Variants in TLL1 observed in about 807,000 individuals in gnomAD.
TLL1 encodes the protein tolloid-like protein 1.
A neutral mutation model predicts 128.2 loss-of-function variants in TLL1; 49 were observed. The observed-to-expected ratio is 0.38, with a 90% CI of 0.30 to 0.48. TLL1 has a LOEUF of 0.48. Ranked by LOEUF, TLL1 falls within the 20% of genes least tolerant of loss-of-function variation. The pLI is 0.96. For missense variants in TLL1, 1,123 were observed against 1,242.0 expected (o/e 0.90, Z 1.44); for synonymous variants, 454 against 418.8 (o/e 1.08, Z -1.03).
At chr4:166,022,578 T>C (rs1430937025) in intron 8 of TLL1, among the ~76,000 whole-genome samples, 1 of 152,150 alleles carries the variant, frequency 6.6e-6, no homozygotes, top group African/African-American at 2.4e-5. Context: ...TCCTACAGAA[T>C]ATGGAGAATG....
chr4:165,927,197 G>A (rs1296550956), intron 1 of TLL1, among the ~76,000 whole-genome samples: 1 of 152,166 alleles, frequency 6.6e-6, no homozygotes, highest in Non-Finnish European at 1.5e-5. Flanking sequence ...GTTTTTGGAA[G>A]ATATATACTA....
At position 166,103,296 on chromosome 4, in the gene TLL1, T is replaced by C. The variant is rs1228475429; in HGVS notation, c.*2420T>C. On this transcript the variant is annotated 3_prime_UTR_variant, in exon 21 of 21. Coordinates refer to ENST00000061240, the MANE Select transcript of TLL1 (RefSeq NM_012464.5). The stretch of plus-strand genomic sequence containing the variant: ...AAAACTTACAGGATAAGCATTTTGC[T>C]CTTTTTAAGAACAGCATGAAATTTA... The C allele has an allele frequency of 6.6e-6, 1 of 151,818 alleles. No individual in the cohort carries two copies. Among genetic ancestry groups the C allele is most frequent in the East Asian group, 1.9e-4 (1 of 5,138 alleles). 9.4% of individuals were successfully genotyped at this position (151,818 alleles called of 1,614,324 possible).
rs529343502 is a variant in TLL1, at chr4:165,913,819, G to A, written c.169+39746G>A. ...GCTTGAGATCAGGGGCTCGCAACCA[G>A]CCTTGGCAACATGGTGCAACCCTAT... On this transcript the variant is annotated intron_variant, in intron 1 of 20. Coordinates refer to ENST00000061240, the MANE Select transcript of TLL1 (RefSeq NM_012464.5). Among the ~76,000 whole-genome samples, 7 of 152,270 alleles carry A rather than the reference G, an allele frequency of 4.6e-5. No individual in the cohort carries two copies. The East Asian group carries it at 1.4e-3, about 29-fold the overall frequency.
At chr4:166,063,564 G>C (rs907910559) in intron 15 of TLL1, among the ~76,000 whole-genome samples, 27 of 152,130 alleles carry the variant, frequency 1.8e-4, no homozygotes, top group African/African-American at 5.8e-4. Flanking sequence ...TGGCACTATT[G>C]ACAATAGCAA....
chr4:166,014,461 C>G lies in TLL1; in HGVS notation c.943C>G (p.Pro315Ala). ...SRGMFLDTILPSRDDNGIRPA... is the reference protein window; with the variant it reads ...SRGMFLDTILASRDDNGIRPA... Reference sequence around the variant, plus strand: ...GGGGATGTTTCTGGATACCATTCTCCCCTCCCGTGATGATAATGGCATACG... The same window carrying G: ...GGGGATGTTTCTGGATACCATTCTCGCCTCCCGTGATGATAATGGCATACG... Residue 315 changes from proline to alanine, a missense_variant, in exon 8 of 21, where the codon CCC (proline) becomes GCC (alanine). Pro to Ala is a conservative substitution (Grantham distance 27). Transcript: ENST00000061240. 1 of 1,612,122 alleles carries G rather than the reference C, an allele frequency of 6.2e-7. No homozygotes were observed. Among genetic ancestry groups the G allele is most frequent in the Non-Finnish European group, 8.5e-7 (1 of 1,178,662 alleles).
At chr4:166,099,604 C>T (rs1742197971) in intron 20 of TLL1, 77 bp downstream of exon 20, 4 of 1,280,584 alleles carry the variant, frequency 3.1e-6, no homozygotes, top group Non-Finnish European at 4.4e-6. Flanking sequence ...GTGTACCATT[C>T]ACAAGTTGGC....
chr4:165,950,271 T>C (rs1357053514), intron 1 of TLL1, among the ~76,000 whole-genome samples: 1 of 152,090 alleles, frequency 6.6e-6, no homozygotes, highest in African/African-American at 2.4e-5. Flanking sequence ...CCACAAATTA[T>C]CACAAGATAT....
intron 9 of TLL1, among the ~76,000 whole-genome samples, chr4:166,036,563 G>A (rs1467325634): frequency 3.3e-5 from 5 of 152,244 alleles, no homozygotes; most frequent in South Asian, 2.1e-4. Context: ...ATTCAAGTAC[G>A]AATCCTGCTA....
chr4:165,956,419 C>G (rs183010068), intron 1 of TLL1, among the ~76,000 whole-genome samples: 1 of 152,010 alleles, frequency 6.6e-6, no homozygotes, highest in Non-Finnish European at 1.5e-5. Flanking sequence ...GACCTCCCCC[C>G]AGGAATGCAT....
At chr4:165,961,015 A>G (rs2110959362) in intron 1 of TLL1, among the ~76,000 whole-genome samples, 1 of 152,268 alleles carries the variant, frequency 6.6e-6, no homozygotes, top group South Asian at 2.1e-4. Context: ...TCTAAGTAGG[A>G]AATGAAGTGA....
intron 19 of TLL1, among the ~76,000 whole-genome samples, chr4:166,097,493 C>A (rs1023991615): frequency 1.3e-5 from 2 of 152,072 alleles, no homozygotes; most frequent in African/African-American, 2.4e-5. Context: ...GTGATTGGAA[C>A]CCTAGCTGCA....
intron 1 of TLL1, among the ~76,000 whole-genome samples, chr4:165,921,617 A>G (rs1050557340): frequency 6.6e-6 from 1 of 152,142 alleles, no homozygotes. Flanking sequence ...CAGATTTTGT[A>G]TAAGGCATTT....
rs79325823 is a variant in TLL1 at position 165,932,322 on chromosome 4, G to T, written c.170-57059G>T. On this transcript the variant is annotated intron_variant, in intron 1 of 20. Coordinates refer to ENST00000061240, the MANE Select transcript of TLL1 (RefSeq NM_012464.5). ...CACATAGCACCATCTCTTCCAGGTT[G>T]TTTCTTTATACTGAGCGTTTCTCAG... Among the ~76,000 whole-genome samples, 1,177 of 152,266 alleles carry T rather than the reference G, an allele frequency of 7.7e-3. 20 individuals carry two copies. Among genetic ancestry groups the T allele is most frequent in the African/African-American group, 0.025 (1,041 of 41,558 alleles).
At chr4:165,944,926 G>A (rs920638791) in intron 1 of TLL1, among the ~76,000 whole-genome samples, 6 of 152,038 alleles carry the variant, frequency 3.9e-5, no homozygotes, top group African/African-American at 1.4e-4. Context: ...CGGTAACTCA[G>A]AAAAGAGGTT....
rs572108938 is a variant in TLL1 at position 165,995,134 on chromosome 4, A to G, written c.588A>G (p.Arg196=). Reference sequence around the variant, plus strand: ...ACACATGTGTGACTTTCATAGAAAGAAGTGATGAAGAGAGTTACATTGTAT... The same window carrying G: ...ACACATGTGTGACTTTCATAGAAAGGAGTGATGAAGAGAGTTACATTGTAT... The part of the protein sequence containing the change: ...EKHTCVTFIE[R]SDEESYIVFT... Residue 196 remains arginine (R), a synonymous_variant, in exon 5 of 21, where the codon AGA becomes AGG. Coordinates refer to ENST00000061240, the MANE Select transcript of TLL1 (RefSeq NM_012464.5). 1 of 1,614,102 alleles carries G rather than the reference A, an allele frequency of 6.2e-7. No homozygotes were observed. Among genetic ancestry groups the G allele is most frequent in the Non-Finnish European group, 8.5e-7 (1 of 1,179,950 alleles).
At position 166,102,379 on chromosome 4, in the gene TLL1, T is replaced by A. The variant is rs1221345830; in HGVS notation, c.*1503T>A. ...AAAATTAATGAATGTAGATGTGTGATTGTCTGAGTGAGTGAAACTACAAGA... is the reference window on the plus strand; with the variant it reads ...AAAATTAATGAATGTAGATGTGTGAATGTCTGAGTGAGTGAAACTACAAGA... On this transcript the variant is annotated 3_prime_UTR_variant, in exon 21 of 21. Transcript: ENST00000061240. 6.6e-6 allele frequency: 1 copy of A among 152,438 alleles called. No homozygotes were observed. The highest frequency in any genetic ancestry group is 2.4e-5 in the African/African-American group (1 of 41,438). The allele number at this position is 152,438 out of a possible 1,614,324, so 9.4% of individuals were successfully genotyped here.
At chr4:165,947,063 TA>T (rs1190519634) in intron 1 of TLL1, among the ~76,000 whole-genome samples, 2 of 152,080 alleles carry the variant, frequency 1.3e-5, no homozygotes, top group African/African-American at 4.8e-5. Flanking sequence ...CTGGGTGGAA[TA>T]AAAACAAATT....
chr4:166,069,065 C>T lies in TLL1; in HGVS notation c.2188+3202C>T, dbSNP rs1740699749. Among the ~76,000 whole-genome samples the T allele has an allele frequency of 2.0e-5, 3 of 151,808 alleles. No homozygotes were observed. The South Asian group carries it at 6.2e-4, about 31-fold the overall frequency. Reference sequence around the variant, plus strand: ...ATAAAAATAAATATAAAAGAAAAAACTCCTATCATGTTTCCACCTATTACT... The same window carrying T: ...ATAAAAATAAATATAAAAGAAAAAATTCCTATCATGTTTCCACCTATTACT... On this transcript the variant is annotated intron_variant, in intron 16 of 20. Coordinates refer to ENST00000061240, the MANE Select transcript of TLL1 (RefSeq NM_012464.5).
chr4:166,077,819 G>A (rs2111140934), intron 17 of TLL1, 84 bp from the exon 18 acceptor site: 1 of 1,588,780 alleles, frequency 6.3e-7, no homozygotes, highest in Non-Finnish European at 8.6e-7. Context: ...TTTCAACAGG[G>A]CAGTGGGTAA....
Sources: gnomAD v4.1 joint callset for allele counts (sites outside exome capture counted in the v4.1 genomes callset) on GRCh38, gnomAD v4.1.1 for gene constraint, MANE v1.5 for transcripts, NCBI Gene and HGNC (gene_info 2026-07-23, HGNC 2026-07-21) for gene names.